Variants in ADAM23 observed in about 807,000 individuals in gnomAD.
The protein encoded by ADAM23 is ADAM metallopeptidase domain 23.
ADAM23 carries 33 observed loss-of-function variants against 120.1 expected under a neutral mutation model. The observed-to-expected ratio is 0.27, with a 90% confidence interval of 0.21 to 0.37. The LOEUF is 0.37. ADAM23 is among the 10% of genes least tolerant of loss of function. The probability of loss-of-function intolerance (pLI) is 1.00; values close to 1 mark genes in which losing one functional copy is unlikely to be tolerated. For missense variants in ADAM23, 862 were observed against 1,058.2 expected (o/e 0.81, Z 2.57); for synonymous variants, 367 against 375.2 (o/e 0.98, Z 0.25).
In ADAM23 at chr2:206,512,468, G is replaced by A. The variant is rs185221867; in HGVS notation, c.510-18417G>A. 1.6e-3 allele frequency among the ~76,000 whole-genome samples: 237 copies of A among 152,282 alleles called. 1 individual carries two copies. Among genetic ancestry groups the A allele is most frequent in the African/African-American group, 5.1e-3 (210 of 41,556 alleles). Reference sequence around the variant, plus strand: ...TCAGCTGAAAAGGCTATTGAGTGCCGTTACATGGCCTCAAGATCTAAAAAC... The same window carrying A: ...TCAGCTGAAAAGGCTATTGAGTGCCATTACATGGCCTCAAGATCTAAAAAC... On this transcript the variant is annotated intron_variant, in intron 3 of 25. Transcript: ENST00000264377.
At chr2:206,545,167 A>C (rs1047932744) in intron 6 of ADAM23, among the ~76,000 whole-genome samples, 7 of 152,154 alleles carry the variant, frequency 4.6e-5, no homozygotes, top group Non-Finnish European at 7.4e-5. Flanking sequence ...AACAGAAAAC[A>C]TTTTTTATCT....
chr2:206,502,512 A>G (rs1464161160), intron 3 of ADAM23, among the ~76,000 whole-genome samples: 3 of 152,064 alleles, frequency 2.0e-5, no homozygotes, highest in Non-Finnish European at 2.9e-5. Flanking sequence ...ACACTTGTAA[A>G]TCGTATGTTT....
intron 3 of ADAM23, among the ~76,000 whole-genome samples, chr2:206,489,494 G>C (rs979870250): frequency 6.6e-6 from 1 of 152,104 alleles, no homozygotes; most frequent in Non-Finnish European, 1.5e-5. Flanking sequence ...CAGGAGTCTC[G>C]GGGTTTATGA....
intron 2 of ADAM23, among the ~76,000 whole-genome samples, chr2:206,449,151 T>C (rs1695141195): frequency 6.6e-6 from 1 of 152,154 alleles, no homozygotes; most frequent in African/African-American, 2.4e-5. Context: ...GGGAAAACCC[T>C]CCCATACGTC....
intron 18 of ADAM23, among the ~76,000 whole-genome samples, chr2:206,573,858 G>A (rs1401945422): frequency 6.6e-6 from 1 of 151,896 alleles, no homozygotes; most frequent in Non-Finnish European, 1.5e-5. Context: ...AGAGGGACCA[G>A]GAAGTGGGTC....
At chr2:206,481,143 G>A (rs1427811861) in intron 2 of ADAM23, 89 bp from the exon 3 acceptor site, 2 of 979,182 alleles carry the variant, frequency 2.0e-6, no homozygotes, top group Admixed American at 2.9e-5. Flanking sequence ...ATACATAAAA[G>A]TTATTCGTCT....
chr2:206,492,292 G>C (rs540091276), intron 3 of ADAM23, among the ~76,000 whole-genome samples: 56 of 152,300 alleles, frequency 3.7e-4, no homozygotes, highest in Admixed American at 7.8e-4. Context: ...AGGCTTGAAG[G>C]GGGAGAGAGT....
At chr2:206,564,563 C>T (rs1697840725) in intron 13 of ADAM23, among the ~76,000 whole-genome samples, 3 of 152,162 alleles carry the variant, frequency 2.0e-5, no homozygotes, top group African/African-American at 7.2e-5. Flanking sequence ...GTGTGAACCC[C>T]ACAACCACTC....
At chr2:206,608,187 T>A (rs1574564233) in intron 24 of ADAM23, among the ~76,000 whole-genome samples, 1 of 152,216 alleles carries the variant, frequency 6.6e-6, no homozygotes, top group East Asian at 1.9e-4. Flanking sequence ...CTGTAACAAC[T>A]TCTCAACAAT....
chr2:206,460,088 C>A (rs1330682940), intron 2 of ADAM23, among the ~76,000 whole-genome samples: 3 of 149,780 alleles, frequency 2.0e-5, no homozygotes, highest in African/African-American at 7.3e-5. Flanking sequence ...CAGGGATTTC[C>A]CATCTACTCA....
In ADAM23 at chr2:206,569,784, C is replaced by T. The variant is rs114347810; in HGVS notation, c.1495-956C>T. 9.6e-3 allele frequency among the ~76,000 whole-genome samples: 1,458 copies of T among 152,236 alleles called. 17 individuals carry two copies. Among genetic ancestry groups the T allele is most frequent in the African/African-American group, 0.033 (1,390 of 41,534 alleles). Reference sequence around the variant, plus strand: ...AAGTAGCCTGGAAACCTTTGCTTTTCGTAATAGTTTTGCCTTCCTGGAAGT... The same window carrying T: ...AAGTAGCCTGGAAACCTTTGCTTTTTGTAATAGTTTTGCCTTCCTGGAAGT... On this transcript the variant is annotated intron_variant, in intron 15 of 25. Transcript: ENST00000264377.
At chr2:206,503,441 G>A (rs1696432170) in intron 3 of ADAM23, among the ~76,000 whole-genome samples, 1 of 152,108 alleles carries the variant, frequency 6.6e-6, no homozygotes, top group Non-Finnish European at 1.5e-5. Flanking sequence ...ACAAGGTAGA[G>A]GGTCAGTCAA....
intron 20 of ADAM23, among the ~76,000 whole-genome samples, chr2:206,588,710 A>G (rs1384380009): frequency 1.3e-5 from 2 of 152,190 alleles, no homozygotes; most frequent in Non-Finnish European, 2.9e-5. Flanking sequence ...TGCCTCTCCA[A>G]TAATATCAGT....
chr2:206,476,219 T>C (rs1695771810), intron 2 of ADAM23, among the ~76,000 whole-genome samples: 1 of 152,220 alleles, frequency 6.6e-6, no homozygotes, highest in African/African-American at 2.4e-5. Context: ...AAACATTTTC[T>C]TGTCTATTGA....
At chr2:206,546,400 C>T (rs977772630) in intron 6 of ADAM23, among the ~76,000 whole-genome samples, 3 of 152,064 alleles carry the variant, frequency 2.0e-5, no homozygotes, top group African/African-American at 4.8e-5. Context: ...TCAAGTAATA[C>T]GCATGGGATA....
At chr2:206,502,010 C>CTAA (rs1242435900) in intron 3 of ADAM23, among the ~76,000 whole-genome samples, 9 of 151,900 alleles carry the variant, frequency 5.9e-5, no homozygotes, top group African/African-American at 1.9e-4. Context: ...AAATTTGATG[C>CTAA]CAAAAATTAA....
intron 9 of ADAM23, among the ~76,000 whole-genome samples, 179 bp downstream of exon 9, chr2:206,550,339 C>G (rs1051070025): frequency 6.6e-6 from 1 of 152,094 alleles, no homozygotes; most frequent in Non-Finnish European, 1.5e-5. Context: ...TTTCACAACT[C>G]TAAACTTTCC....
At position 206,445,502 on chromosome 2, in the gene ADAM23, G is replaced by C; in HGVS notation, c.410G>C (p.Arg137Thr). 1 of 1,613,828 alleles carries C rather than the reference G, an allele frequency of 6.2e-7. No homozygotes were observed. Among genetic ancestry groups the C allele is most frequent in the South Asian group, 1.1e-5 (1 of 90,956 alleles). The change falls in exon 2 of 26, where the codon AGA becomes ACA. Residue 137 changes from arginine to threonine, a missense_variant. Physicochemically the swap from Arg to Thr is moderately conservative, Grantham distance 71 (BLOSUM62 -1). Around this residue, in one of 4 missense-constraint regions of ADAM23, gnomAD observed 225 missense variants for 204.0 expected, o/e 1.10. Transcript: ENST00000264377. ...TATCACGTTCTTGACACAAAGGCAA[G>C]ACACCAGCAAAAACATAATAAGGTA... ...SPYHVLDTKA[R>T]HQQKHNKAVH...
At chr2:206,507,591 A>G (rs1213427830) in intron 3 of ADAM23, among the ~76,000 whole-genome samples, 1 of 152,182 alleles carries the variant, frequency 6.6e-6, no homozygotes, top group African/African-American at 2.4e-5. Flanking sequence ...TAAATTACTC[A>G]GGCTCAGGTA....
Sources: allele counts gnomAD v4.1 joint callset (sites outside exome capture counted in the v4.1 genomes callset), GRCh38; gene constraint gnomAD v4.1.1; regional missense constraint gnomAD v4.1.1; transcripts MANE v1.5; gene names NCBI Gene and HGNC (gene_info 2026-07-23, HGNC 2026-07-21).